Variants in TNKS observed in about 807,000 individuals in gnomAD.
TNKS encodes poly [ADP-ribose] polymerase tankyrase-1.
In TNKS, 72 loss-of-function variants were observed where a neutral mutation model predicts 135.8. The observed-to-expected ratio is 0.53, with a 90% CI of 0.44 to 0.64. The LOEUF is 0.64. Ranked by LOEUF, TNKS falls within the 30% of genes least tolerant of loss-of-function variation. The pLI, the probability that TNKS is intolerant of heterozygous loss-of-function variation, is 0.00. For synonymous variants in TNKS, 849 were observed against 649.3 expected (o/e 1.31, Z -4.68); for missense variants, 1,769 against 1,674.0 (o/e 1.06, Z -0.99).
intron 3 of TNKS, among the ~76,000 whole-genome samples, chr8:9,633,005 A>T (rs985148637): frequency 6.6e-6 from 1 of 152,228 alleles, no homozygotes; most frequent in Non-Finnish European, 1.5e-5. Flanking sequence ...CTGGAATTAC[A>T]GGCATGAGCC....
intron 3 of TNKS, among the ~76,000 whole-genome samples, chr8:9,661,137 T>G (rs1801690458): frequency 1.3e-5 from 2 of 151,862 alleles, no homozygotes; most frequent in Non-Finnish European, 2.9e-5. Flanking sequence ...AGAATCAATA[T>G]CGTGAAAATG....
chr8:9,749,272 A>C (rs1439282001), intron 18 of TNKS, among the ~76,000 whole-genome samples: 1 of 151,768 alleles, frequency 6.6e-6, no homozygotes, highest in Non-Finnish European at 1.5e-5. Flanking sequence ...TTCAAATTAC[A>C]CTCACCTGCC....
At chr8:9,710,380 T>A (rs1035797923) in intron 11 of TNKS, 160 bp downstream of exon 11, 1 of 672,698 alleles carries the variant, frequency 1.5e-6, no homozygotes, top group Admixed American at 2.8e-5. Context: ...CTGATTTAGA[T>A]CTTGTTTCTA....
chr8:9,769,506 T>G (rs1328689002), intron 25 of TNKS, among the ~76,000 whole-genome samples: 1 of 152,118 alleles, frequency 6.6e-6, no homozygotes, highest in Non-Finnish European at 1.5e-5. Context: ...GTTGTTTCCA[T>G]CAGCTTATTT....
chr8:9,752,974 A>G (rs938201788), intron 20 of TNKS, among the ~76,000 whole-genome samples: 1 of 151,648 alleles, frequency 6.6e-6, no homozygotes, highest in Non-Finnish European at 1.5e-5. Context: ...CGAAAAAAAA[A>G]AAAAAAAGAA....
At chr8:9,584,081 G>T (rs1423164907) in intron 2 of TNKS, among the ~76,000 whole-genome samples, 2 of 150,492 alleles carry the variant, frequency 1.3e-5, no homozygotes, top group Non-Finnish European at 3.0e-5. Flanking sequence ...GGAGAATGGC[G>T]TGAACCCGGG....
At chr8:9,664,055 C>A (rs1303674292) in intron 3 of TNKS, among the ~76,000 whole-genome samples, 1 of 152,174 alleles carries the variant, frequency 6.6e-6, no homozygotes, top group Non-Finnish European at 1.5e-5. Context: ...CAGGAGCCCC[C>A]AGCCATCAGT....
intron 2 of TNKS, among the ~76,000 whole-genome samples, chr8:9,588,461 A>G (rs1373962267): frequency 6.6e-6 from 1 of 152,096 alleles, no homozygotes; most frequent in Non-Finnish European, 1.5e-5. Context: ...TATTTTTAGT[A>G]GATACAGGAT....
chr8:9,579,533 G>T (rs1368082144), intron 1 of TNKS, among the ~76,000 whole-genome samples: 2 of 152,060 alleles, frequency 1.3e-5, no homozygotes, highest in Admixed American at 1.3e-4. Context: ...CAGTGGCGTG[G>T]TCTCGGCTCA....
Position 9,780,512 on chromosome 8 carries a change from T to A in TNKS, c.*3776T>A, listed in dbSNP as rs947337591. 11 of 152,328 alleles carry A rather than the reference T, an allele frequency of 7.2e-5. 1 individual carries two copies. Among genetic ancestry groups the A allele is most frequent in the African/African-American group, 2.6e-4 (11 of 41,576 alleles). 9.4% of individuals were successfully genotyped at this position (152,328 alleles called of 1,614,324 possible). Reference sequence around the variant, plus strand: ...AGTGAAAAGAAAGTAATTGTGAAAGTGATGTTTGAGCTATTGTACACATCT... The same window carrying A: ...AGTGAAAAGAAAGTAATTGTGAAAGAGATGTTTGAGCTATTGTACACATCT... On this transcript the variant is annotated 3_prime_UTR_variant, in exon 27 of 27. Coordinates refer to ENST00000310430, the MANE Select transcript of TNKS (RefSeq NM_003747.3).
intron 11 of TNKS, among the ~76,000 whole-genome samples, chr8:9,711,356 C>T (rs1481627148): frequency 2.6e-5 from 4 of 152,164 alleles, no homozygotes; most frequent in African/African-American, 9.7e-5. Context: ...TTGACAGTGG[C>T]AAACTCACTT....
At chr8:9,682,182 C>A (rs1802809954) in intron 5 of TNKS, among the ~76,000 whole-genome samples, 1 of 151,986 alleles carries the variant, frequency 6.6e-6, no homozygotes, top group Non-Finnish European at 1.5e-5. Flanking sequence ...TAGAAAAGGG[C>A]CTTCTTATCT....
Position 9,733,279 on chromosome 8 carries a change from T to A in TNKS, c.2148T>A (p.Gly716=). Residue 716 remains glycine, a splice_region_variant and synonymous_variant, in exon 15 of 27, where the codon GGT becomes GGA. Coordinates refer to ENST00000310430, the MANE Select transcript of TNKS (RefSeq NM_003747.3). ...TTTAAAATAACTTTCTTTTGTTTAGTGGCTTGGTGCCCCTTCATAATGCCT... is the reference window on the plus strand; with the variant it reads ...TTTAAAATAACTTTCTTTTGTTTAGAGGCTTGGTGCCCCTTCATAATGCCT... ...HGADVHAKDK[G]GLVPLHNACS... is the part of the protein sequence containing the mutation. The A allele has an allele frequency of 6.4e-7, 1 of 1,556,436 alleles. No homozygotes were observed. Among genetic ancestry groups the A allele is most frequent in the Non-Finnish European group, 8.6e-7 (1 of 1,159,064 alleles).
rs1808323004 is a variant in TNKS at position 9,778,423 on chromosome 8, A to C, written c.*1687A>C. ...AAATGGTTACATGCAAAACTTCTAG[A>C]AATAGACTCTTAAAATATATACATT... On this transcript the variant is annotated 3_prime_UTR_variant, in exon 27 of 27. Coordinates refer to ENST00000310430, the MANE Select transcript of TNKS (RefSeq NM_003747.3). 1 of 152,430 alleles carries C rather than the reference A, an allele frequency of 6.6e-6. No homozygotes were observed. The highest frequency in any genetic ancestry group is 2.1e-4 in the South Asian group (1 of 4,756). The allele number at this position is 152,430 out of a possible 1,614,324, so 9.4% of individuals were successfully genotyped here. A position where few individuals can be genotyped will look rare whatever the true frequency, so the allele number is the denominator to read the frequency against.
At chr8:9,558,114 C>T (rs1280234715) in intron 1 of TNKS, 2 of 152,136 alleles carry the variant, frequency 1.3e-5, no homozygotes, top group Admixed American at 1.3e-4. Flanking sequence ...ACATACGCAA[C>T]TGAATCAAAA....
chr8:9,584,935 C>T (rs1451656306), intron 2 of TNKS, among the ~76,000 whole-genome samples: 1 of 151,990 alleles, frequency 6.6e-6, no homozygotes, highest in East Asian at 1.9e-4. Flanking sequence ...TGTGGAATAC[C>T]CCAACATCTA....
At chr8:9,601,891 T>G (rs75540068) in intron 2 of TNKS, among the ~76,000 whole-genome samples, 1,847 of 152,230 alleles carry the variant, frequency 0.012, 34 homozygotes, top group African/African-American at 0.041. Context: ...TTTCTTCAAA[T>G]GAAATATAAT....
At chr8:9,680,897 T>G (rs1802754144) in intron 5 of TNKS, 97 bp downstream of exon 5, 4 of 806,298 alleles carry the variant, frequency 5.0e-6, no homozygotes, top group Non-Finnish European at 8.2e-6. Flanking sequence ...TACATGGCTT[T>G]ATTTTAACTG....
At chr8:9,776,524 A>G (rs1808233397) in intron 26 of TNKS, 126 bp from the exon 27 acceptor site, 3 of 760,240 alleles carry the variant, frequency 3.9e-6, no homozygotes, top group South Asian at 3.5e-5. Context: ...TCAGGCACCT[A>G]TTAAGAAACT....
Sources: allele counts gnomAD v4.1 joint callset (sites outside exome capture counted in the v4.1 genomes callset), GRCh38; gene constraint gnomAD v4.1.1; transcripts MANE v1.5; gene names NCBI Gene and HGNC (gene_info 2026-07-23, HGNC 2026-07-21).